UPF1: variants seen among roughly 807,000 people sequenced by gnomAD.
The protein encoded by UPF1 is regulator of nonsense transcripts 1.
UPF1 carries 9 observed loss-of-function variants against 129.2 expected under a neutral mutation model. That is an observed-to-expected ratio of 0.07 (90% CI 0.04 to 0.12). UPF1 has a LOEUF of 0.12. Among genes scored for constraint, UPF1 ranks in the 10% least tolerant of loss-of-function variants. The probability of loss-of-function intolerance (pLI) is 1.00; values close to 1 mark genes in which losing one functional copy is unlikely to be tolerated. For missense variants in UPF1, 788 were observed against 1,525.3 expected (o/e 0.52, Z 8.05); for synonymous variants, 649 against 644.9 (o/e 1.01, Z -0.10).
In UPF1 at chr19:18,855,046, C is replaced by T. The variant is rs370921103; in HGVS notation, c.1425+8C>T. ...GACCTCAACCACTCCCAGGTGCGCG[C>T]CGTCCTCAGCGCGCGGGGCCTCGCC... On this transcript the variant is annotated splice_region_variant and intron_variant, in intron 10 of 23. Coordinates refer to ENST00000262803, the MANE Select transcript of UPF1 (RefSeq NM_002911.4). 7.4e-6 allele frequency: 12 copies of T among 1,613,312 alleles called. No homozygotes were observed. In the Admixed American group the frequency reaches 1.7e-4, roughly 22 times the overall value.
chr19:18,837,191 G>A (rs1349975128), intron 1 of UPF1, among the ~76,000 whole-genome samples: 1 of 152,110 alleles, frequency 6.6e-6, no homozygotes, highest in African/African-American at 2.4e-5. Context: ...CTGGGCTCAA[G>A]CGATCCTTCC....
rs2055834921 is a variant in UPF1, at chr19:18,865,646, C to T, written c.3105C>T (p.Leu1035=). The stretch of plus-strand genomic sequence containing the variant: ...TTCCTGGACCCAGCCAGACTAACCT[C>T]CCCAACAGCCAAGCCAGCCAGGATG... ...FGLPGPSQTN[L]PNSQASQDVA... The change falls in exon 22 of 24, where the codon CTC becomes CTT. Residue 1035 remains leucine, a synonymous_variant. Coordinates refer to ENST00000262803, the MANE Select transcript of UPF1 (RefSeq NM_002911.4). The surrounding 1 kb of genome is among the most constrained non-coding windows in gnomAD (Gnocchi z 6.1). 5 of 1,613,866 alleles carry T rather than the reference C, an allele frequency of 3.1e-6. No homozygotes were observed. The East Asian group carries it at 1.1e-4, about 36-fold the overall frequency.
chr19:18,845,010 G>A (rs575820352), intron 1 of UPF1, among the ~76,000 whole-genome samples: 2 of 152,344 alleles, frequency 1.3e-5, no homozygotes, highest in Admixed American at 6.5e-5. Flanking sequence ...CGGGCTGGAG[G>A]GGCCTCTGTG....
chr19:18,867,303 C>G lies in UPF1; in HGVS notation c.*786C>G, dbSNP rs2055862453. ...GGCATCAGGCTGCTGGGGTAGCCGC[C>G]CGCCGAGCCTGGAAGCTGCTCGTTC... On this transcript the variant is annotated 3_prime_UTR_variant, in exon 24 of 24. Transcript: ENST00000262803. 6.6e-6 allele frequency: 1 copy of G among 152,262 alleles called. No homozygotes were observed. The allele number at this position is 152,262 out of a possible 1,614,324, so 9.4% of individuals were successfully genotyped here.
intron 2 of UPF1, 56 bp downstream of exon 2, chr19:18,846,175 A>T: frequency 6.2e-7 from 1 of 1,605,372 alleles, no homozygotes; most frequent in East Asian, 2.2e-5. Flanking sequence ...TGCCTCTGGC[A>T]TGGGCCTGGG....
Position 18,857,148 on chromosome 19 carries a change from G to T in UPF1, c.1968+128G>T, listed in dbSNP as rs1034391897. The T allele has an allele frequency of 4.0e-6, 6 of 1,506,686 alleles. No homozygotes were observed. In the African/African-American group the frequency reaches 7.0e-5, roughly 17 times the overall value. The allele number at this position is 1,506,686 out of a possible 1,614,324, so 93.3% of individuals were successfully genotyped here. A position where few individuals can be genotyped will look rare whatever the true frequency, so the allele number is the denominator to read the frequency against. ...GTGCGCACACTGGGGGCTCCCTGAG[G>T]GGTTTATAGAGGGTGGGTTCTGCCA... On this transcript the variant is annotated intron_variant, in intron 14 of 23. Transcript: ENST00000262803.
At chr19:18,842,543 T>C (rs1159631661) in intron 1 of UPF1, among the ~76,000 whole-genome samples, 2 of 152,090 alleles carry the variant, frequency 1.3e-5, no homozygotes, top group Admixed American at 6.5e-5. Flanking sequence ...AGAGGAAATA[T>C]CAGGGCAGAA....
At chr19:18,859,924 CTG>C (rs2055759500) in intron 15 of UPF1, 1 of 166,144 alleles carries the variant, frequency 6.0e-6, no homozygotes, top group African/African-American at 2.4e-5. Flanking sequence ...CAGGGGGACA[CTG>C]TTGGCTCAAC....
At chr19:18,856,776 G>A (rs1336658306) in intron 13 of UPF1, 101 bp from the exon 14 acceptor site, 1 of 1,462,236 alleles carries the variant, frequency 6.8e-7, no homozygotes. Flanking sequence ...TGTCAGGGAG[G>A]GTGAGAAACA....
chr19:18,854,460 C>A, intron 8 of UPF1, 141 bp from the exon 9 acceptor site: 1 of 675,906 alleles, frequency 1.5e-6, no homozygotes, highest in Non-Finnish European at 2.6e-6. Context: ...GTTGGCTGCA[C>A]GTTTTTAGCG....
In UPF1 at chr19:18,864,418, C is replaced by T. The variant is rs552212344; in HGVS notation, c.2857+167C>T. Among the ~76,000 whole-genome samples the T allele has an allele frequency of 3.3e-5, 5 of 152,362 alleles. No individual in the cohort carries two copies. The South Asian group carries it at 1.0e-3, about 32-fold the overall frequency. Reference sequence around the variant, plus strand: ...AGGGCATCTCTAGCCCCGGAACACTCCTGGGGTGTTTGTCTTTAACCAGAG... The same window carrying T: ...AGGGCATCTCTAGCCCCGGAACACTTCTGGGGTGTTTGTCTTTAACCAGAG... On this transcript the variant is annotated intron_variant, in intron 20 of 23. Coordinates refer to ENST00000262803, the MANE Select transcript of UPF1 (RefSeq NM_002911.4).
At chr19:18,848,091 G>A (rs1454266840) in intron 3 of UPF1, 5 of 419,530 alleles carry the variant, frequency 1.2e-5, no homozygotes, top group African/African-American at 1.0e-4. Flanking sequence ...TTTTTATTTC[G>A]ATTTTTCTGC....
At chr19:18,861,434 CTGAG>C (rs1240104088) in intron 17 of UPF1, among the ~76,000 whole-genome samples, 3 of 152,184 alleles carry the variant, frequency 2.0e-5, no homozygotes, top group Non-Finnish European at 2.9e-5. Context: ...AGTGCTGAGT[CTGAG>C]TGGCCACATG....
rs2055715760 is a variant in UPF1, at chr19:18,856,170, C to G, written c.1710-16C>G. 1.2e-6 allele frequency: 2 copies of G among 1,605,822 alleles called. No individual in the cohort carries two copies. The highest frequency in any genetic ancestry group is 2.2e-5 in the South Asian group (2 of 90,906). On this transcript the variant is annotated splice_polypyrimidine_tract_variant and intron_variant, in intron 12 of 23. Coordinates refer to ENST00000262803, the MANE Select transcript of UPF1 (RefSeq NM_002911.4). ...TACAGAACTCAGGCACCCTGCTGAC[C>G]TGCATGTGCTTCCAGCATGCCTGAG...
chr19:18,850,306 T>TTGGCC lies in UPF1; in HGVS notation c.629+65_629+69dup. The stretch of plus-strand genomic sequence containing the variant: ...AGCTCCAGCCGTCTCCTCACAAGCC[T>TTGGCC]TGGCCCAGCCCAGCCCAGCCGTGGC... On this transcript the variant is annotated intron_variant, in intron 4 of 23. Transcript: ENST00000262803. The surrounding 1 kb of genome is among the most constrained non-coding windows in gnomAD (Gnocchi z 7.1). The TTGGCC allele has an allele frequency of 6.6e-7, 1 of 1,516,004 alleles. No individual in the cohort carries two copies. The highest frequency in any genetic ancestry group is 8.8e-7 in the Non-Finnish European group (1 of 1,134,702). 93.9% of individuals were successfully genotyped at this position (1,516,004 alleles called of 1,614,324 possible).
Position 18,832,327 on chromosome 19 carries a change from C to A in UPF1, c.118C>A (p.Leu40Ile). ...CGAGTTCGAGTTCACCGACTTTACT[C>A]TTCCTAGCCAGACGCAGACGCCCCC... ...GSEFEFTDFT[L>I]PSQTQTPPGG... The change falls in exon 1 of 24, where the codon CTT becomes ATT. Residue 40 changes from leucine (L) to isoleucine (I), a missense_variant. Leu to Ile is a conservative substitution (Grantham distance 5). This residue lies in a region of UPF1 where 112 missense variants were observed against 128.2 expected (regional missense o/e 0.87). Coordinates refer to ENST00000262803, the MANE Select transcript of UPF1 (RefSeq NM_002911.4). This position sits in a 1 kb window ranked among gnomAD's most constrained non-coding sequence, Gnocchi z 5.6. The A allele has an allele frequency of 6.8e-7, 1 of 1,465,446 alleles. No individual in the cohort carries two copies. The allele number at this position is 1,465,446 out of a possible 1,614,324, so 90.8% of individuals were successfully genotyped here. A position where few individuals can be genotyped will look rare whatever the true frequency, so the allele number is the denominator to read the frequency against.
At chr19:18,839,221 A>G (rs1479272307) in intron 1 of UPF1, among the ~76,000 whole-genome samples, 1 of 152,074 alleles carries the variant, frequency 6.6e-6, no homozygotes, top group Non-Finnish European at 1.5e-5. Context: ...CCTCCCGAGT[A>G]GCTGGGATTA....
intron 11 of UPF1, chr19:18,855,465 G>C: frequency 1.6e-6 from 1 of 609,156 alleles, no homozygotes; most frequent in Non-Finnish European, 2.9e-6. Flanking sequence ...AGAAAACTGG[G>C]GGCAGGGGGG....
Position 18,852,269 on chromosome 19 carries a change from C to T in UPF1, c.945C>T (p.Asp315=). Residue 315 remains aspartate (D), a synonymous_variant, in exon 6 of 24, where the codon GAC becomes GAT. Transcript: ENST00000262803. ...IFGPLVKLEA[D]YDKKLKESQT... ...GGCCCCTGGTCAAGCTGGAGGCCGACTACGACAAGAAGCTGAAGGAGTCCC... is the reference window on the plus strand; with the variant it reads ...GGCCCCTGGTCAAGCTGGAGGCCGATTACGACAAGAAGCTGAAGGAGTCCC... 1 of 1,613,690 alleles carries T rather than the reference C, an allele frequency of 6.2e-7. No homozygotes were observed. The highest frequency in any genetic ancestry group is 8.5e-7 in the Non-Finnish European group (1 of 1,179,758).
Sources: allele counts gnomAD v4.1 joint callset (sites outside exome capture counted in the v4.1 genomes callset), GRCh38; gene constraint gnomAD v4.1.1; regional missense constraint gnomAD v4.1.1; non-coding constraint Gnocchi (gnomAD v3.1); transcripts MANE v1.5; gene names NCBI Gene and HGNC (gene_info 2026-07-23, HGNC 2026-07-21).